The following SETD4 variants were observed in gnomAD, a reference collection of about 807,000 sequenced individuals.
SETD4 encodes SET domain-containing protein 4.
SETD4 carries 46 observed loss-of-function variants against 58.3 expected under a neutral mutation model. The observed-to-expected ratio is 0.79, with a 90% CI of 0.62 to 1.01. The LOEUF is 1.01. SETD4 is among the 50% of genes least tolerant of loss of function. SETD4 has a pLI of 0.00. For synonymous variants in SETD4, 190 were observed against 202.6 expected (o/e 0.94, Z 0.53); for missense variants, 490 against 523.3 (o/e 0.94, Z 0.62).
rs543660692 is a variant in SETD4 at position 36,038,975 on chromosome 21, C to T, written c.1065-702G>A. On this transcript the variant is annotated intron_variant, in intron 9 of 11. Transcript: ENST00000332131. ...CGACGGAGGACCGGATTCTGAACAC[C>T]GAGAATCTGGAAGTGGAAGTGGCTT... 9.2e-5 allele frequency among the ~76,000 whole-genome samples: 14 copies of T among 152,048 alleles called. No homozygotes were observed. The East Asian group carries it at 9.7e-4, about 11-fold the overall frequency.
intron 2 of SETD4, 66 bp downstream of exon 2, chr21:36,058,750 A>C: frequency 1.3e-6 from 2 of 1,503,994 alleles, no homozygotes; most frequent in Non-Finnish European, 1.8e-6. Flanking sequence ...AAAGCTACGT[A>C]TGAACAAACA....
intron 8 of SETD4, among the ~76,000 whole-genome samples, chr21:36,041,056 T>A (rs1568906314): frequency 7.4e-6 from 1 of 134,722 alleles, no homozygotes. Context: ...GCTACTTGGG[T>A]GGCTGAGGCA....
rs1336321285 is a variant in SETD4, at chr21:36,041,816, C to T, written c.974G>A (p.Gly325Asp). 21 of 1,484,536 alleles carry T rather than the reference C, an allele frequency of 1.4e-5. No individual in the cohort carries two copies. Among genetic ancestry groups the T allele is most frequent in the Non-Finnish European group, 1.9e-5 (21 of 1,086,150 alleles). 92.0% of individuals were successfully genotyped at this position (1,484,536 alleles called of 1,614,324 possible). ...DKKISILKDHGYIENLTFGWD... is the reference protein window; with the variant it reads ...DKKISILKDHDYIENLTFGWD... ...AAAGAGAAACACTTACTCTATATAG[C>T]CATGATCCTTTAAAATAGAAATCTT... Residue 325 changes from glycine to aspartate, a missense_variant, in exon 8 of 12, where the codon GGC (glycine) becomes GAC (aspartate). Gly to Asp is a moderately conservative substitution (Grantham distance 94, BLOSUM62 -1). Transcript: ENST00000332131.
intron 4 of SETD4, chr21:36,050,686 T>A: frequency 6.2e-7 from 1 of 1,605,332 alleles, no homozygotes. Flanking sequence ...CCAATGGTAG[T>A]AAAGAATACG....
chr21:36,039,064 G>A lies in SETD4; in HGVS notation c.1065-791C>T, dbSNP rs960531395. Reference sequence around the variant, plus strand: ...GAGCCCATTAGATTCAGAACAGCTGGCAAGACACAGCCCGGAATAGTCTCA... The same window carrying A: ...GAGCCCATTAGATTCAGAACAGCTGACAAGACACAGCCCGGAATAGTCTCA... On this transcript the variant is annotated intron_variant, in intron 9 of 11. Transcript: ENST00000332131. 2.6e-5 allele frequency among the ~76,000 whole-genome samples: 4 copies of A among 152,082 alleles called. No homozygotes were observed. In the East Asian group the frequency reaches 7.7e-4, roughly 29 times the overall value.
intron 4 of SETD4, chr21:36,050,920 T>C: frequency 4.3e-6 from 7 of 1,610,112 alleles, no homozygotes; most frequent in Non-Finnish European, 6.0e-6. Context: ...TTAGGTGGTG[T>C]GGGGATGATG....
chr21:36,040,364 C>G (rs528442451), intron 9 of SETD4, among the ~76,000 whole-genome samples: 1 of 152,316 alleles, frequency 6.6e-6, no homozygotes, highest in African/African-American at 2.4e-5. Context: ...TATGCTGAGT[C>G]TAAAACCAGA....
At chr21:36,039,151 CTG>C (rs528717936) in intron 9 of SETD4, among the ~76,000 whole-genome samples, 113 of 152,304 alleles carry the variant, frequency 7.4e-4, no homozygotes, top group African/African-American at 2.6e-3. Context: ...AAGGAAATGA[CTG>C]TGTGTCAGGC....
Position 36,058,884 on chromosome 21 carries a change from T to C in SETD4, c.5A>G (p.Gln2Arg), listed in dbSNP as rs1217024311. ...CCGGCTTGTTCTCCCTTTTCCTTTC[T>C]GCATGCTAAAACTGTAGTTTCTTTT... M[Q>R]KGKGRTSRIR... The change falls in exon 2 of 12, where the codon CAG becomes CGG. Residue 2 changes from glutamine to arginine, a missense_variant. Transcript: ENST00000332131. 1 of 1,598,126 alleles carries C rather than the reference T, an allele frequency of 6.3e-7. No individual in the cohort carries two copies.
At chr21:36,057,498 A>C in intron 2 of SETD4, 1 of 607,004 alleles carries the variant, frequency 1.6e-6, no homozygotes, top group South Asian at 2.1e-5. Flanking sequence ...AAAAAAATAC[A>C]ATATTATAAT....
intron 1 of SETD4, 145 bp downstream of exon 1, chr21:36,060,202 G>A: frequency 1.2e-6 from 1 of 854,514 alleles, no homozygotes; most frequent in Non-Finnish European, 1.4e-6. Flanking sequence ...CAGCGCACAC[G>A]ATAATGCCTG....
At position 36,045,914 on chromosome 21, in the gene SETD4, T is replaced by C. The variant is rs150097659; in HGVS notation, c.394A>G (p.Ile132Val). The change falls in exon 6 of 12, where the codon ATT becomes GTT. Residue 132 changes from isoleucine (I) to valine (V), a missense_variant. Transcript: ENST00000332131. ...HRSLWKPYLE[I>V]LPKAYTCPVC... ...GGGCAGGTATACGCCTTGGGTAAAA[T>C]CTCCAGGTAAGGCTTCCAAAGAGAT... 6.2e-7 allele frequency: 1 copy of C among 1,613,950 alleles called. No individual in the cohort carries two copies. The highest frequency in any genetic ancestry group is 8.5e-7 in the Non-Finnish European group (1 of 1,180,030).
rs1043735356 is a variant in SETD4, at chr21:36,052,002, A to G, written c.207+1581T>C. On this transcript the variant is annotated intron_variant, in intron 4 of 11. Coordinates refer to ENST00000332131, the MANE Select transcript of SETD4 (RefSeq NM_017438.5). ...ATAAAGGCTTCTTAATGACAAAAAAAAAAGTTTTATGTTACATATATTTTA... is the reference window on the plus strand; with the variant it reads ...ATAAAGGCTTCTTAATGACAAAAAAGAAAGTTTTATGTTACATATATTTTA... Among the ~76,000 whole-genome samples, 11 of 152,288 alleles carry G rather than the reference A, an allele frequency of 7.2e-5. No individual in the cohort carries two copies. In the East Asian group the frequency reaches 1.3e-3, roughly 19 times the overall value.
chr21:36,037,619 A>T (rs528040957), intron 10 of SETD4, among the ~76,000 whole-genome samples: 33 of 150,870 alleles, frequency 2.2e-4, no homozygotes, highest in Admixed American at 6.6e-4. Flanking sequence ...AAAAAAAAAA[A>T]ATAGAAAAGA....
Position 36,035,821 on chromosome 21 carries a change from GCCAT to G in SETD4, c.*168_*171del, listed in dbSNP as rs2063758619. 2 of 412,180 alleles carry G rather than the reference GCCAT, an allele frequency of 4.9e-6. No individual in the cohort carries two copies. Among genetic ancestry groups the G allele is most frequent in the Non-Finnish European group, 8.8e-6 (2 of 226,500 alleles). 25.5% of individuals were successfully genotyped at this position (412,180 alleles called of 1,614,324 possible). A position where few individuals can be genotyped will look rare whatever the true frequency, so the allele number is the denominator to read the frequency against. On this transcript the variant is annotated 3_prime_UTR_variant, in exon 12 of 12. Transcript: ENST00000332131. ...CTTTATTCGGAAGAGCATTAGACCT[GCCAT>G]CCAGACAGCTTGTCCACCTTCACTC...
In SETD4 at chr21:36,045,871, TC is replaced by T; in HGVS notation, c.436del (p.Glu146LysfsTer3). ...AGATTTGGGAAGAAGGTTCACCACTTCCGGCTCCAAACAAACAGGGCAGGTA... is the reference window on the plus strand; with the variant it reads ...AGATTTGGGAAGAAGGTTCACCACTTCGGCTCCAAACAAACAGGGCAGGTA... ...AYTCPVCLEP[E>X]VVNLLPKSLK... On this transcript the variant is annotated frameshift_variant, in exon 6 of 12. Coordinates refer to ENST00000332131, the MANE Select transcript of SETD4 (RefSeq NM_017438.5). LOFTEE classifies it high-confidence loss of function. 1 of 1,614,188 alleles carries T rather than the reference TC, an allele frequency of 6.2e-7. No homozygotes were observed. Among genetic ancestry groups the T allele is most frequent in the South Asian group, 1.1e-5 (1 of 91,080 alleles).
rs145090745 is a variant in SETD4, at chr21:36,046,932, G to GA, written c.297-922dup. Among the ~76,000 whole-genome samples the GA allele has an allele frequency of 3.1e-3, 478 of 152,234 alleles. 4 individuals are homozygous for GA. The highest frequency in any genetic ancestry group is 0.011 in the African/African-American group (459 of 41,548). ...CTCTCTTCCAAAAACATGCCAGGGG[G>GA]AAAAAAGACCAGCACTTACCTAATG... On this transcript the variant is annotated intron_variant, in intron 5 of 11. Transcript: ENST00000332131.
chr21:36,037,824 C>T (rs1297926141), intron 10 of SETD4, among the ~76,000 whole-genome samples: 1 of 150,442 alleles, frequency 6.6e-6, no homozygotes, highest in East Asian at 2.0e-4. Flanking sequence ...GGTGAAACCC[C>T]GTCTTTACTA....
At position 36,035,598 on chromosome 21, in the gene SETD4, G is replaced by GGACTACCTCACACTGCCCCACACC. The variant is rs1378224538; in HGVS notation, c.*371_*394dup. 6.0e-6 allele frequency: 1 copy of GGACTACCTCACACTGCCCCACACC among 166,550 alleles called. No individual in the cohort carries two copies. 10.3% of individuals were successfully genotyped at this position (166,550 alleles called of 1,614,324 possible). On this transcript the variant is annotated 3_prime_UTR_variant, in exon 12 of 12. Coordinates refer to ENST00000332131, the MANE Select transcript of SETD4 (RefSeq NM_017438.5). ...TCTGGGCCACCCTGGCGGGGATCCA[G>GGACTACCTCACACTGCCCCACACC]GACTACCTCACACTGCCCCACACCC...
Sources: gnomAD v4.1 joint callset for allele counts (sites outside exome capture counted in the v4.1 genomes callset) on GRCh38, gnomAD v4.1.1 for gene constraint, MANE v1.5 for transcripts, NCBI Gene and HGNC (gene_info 2026-07-23, HGNC 2026-07-21) for gene names.